The following MTUS2 variants were observed in gnomAD, a reference collection of about 807,000 sequenced individuals.
The protein encoded by MTUS2 is microtubule-associated tumor suppressor candidate 2.
MTUS2 carries 40 observed loss-of-function variants against 114.1 expected under a neutral mutation model. That is an observed-to-expected ratio of 0.35 (90% CI 0.27 to 0.46). The LOEUF (loss-of-function observed/expected upper bound fraction) is 0.46, where lower values mean the gene tolerates loss of function less well. Ranked by LOEUF, MTUS2 falls within the 20% of genes least tolerant of loss-of-function variation. The probability of loss-of-function intolerance (pLI) is 1.00; values close to 1 mark genes in which losing one functional copy is unlikely to be tolerated. For missense variants in MTUS2, 1,679 were observed against 1,705.4 expected, an observed-to-expected ratio of 0.98 and a Z score of 0.27; for synonymous variants, 688 against 672.0, an observed-to-expected ratio of 1.02 and a Z score of -0.37.
At position 29,277,608 on chromosome 13, in the gene MTUS2, G is replaced by A. The variant is rs80051249; in HGVS notation, c.2645-4096G>A. Among the ~76,000 whole-genome samples the A allele has an allele frequency of 1.2e-3, 178 of 152,318 alleles. 6 individuals are homozygous for A. The East Asian group carries it at 0.023, about 20-fold the overall frequency. ...AGAGAACTCAGAAATGGAGCCTCAC[G>A]TGGCAGACAGTGGATATTTGTTCAT... is the stretch of plus-strand genomic sequence containing the variant. On this transcript the variant is annotated intron_variant, in intron 5 of 15. Coordinates refer to ENST00000612955, the MANE Select transcript of MTUS2 (RefSeq NM_001033602.4).
intron 2 of MTUS2, among the ~76,000 whole-genome samples, chr13:28,876,627 T>G (rs533219999): frequency 6.6e-6 from 1 of 152,172 alleles, no homozygotes; most frequent in South Asian, 2.1e-4. Flanking sequence ...TCTTTGTGGG[T>G]CTTTGGCCTA....
rs373896320 is a variant in MTUS2 at position 29,025,212 on chromosome 13, C to T, written c.514C>T (p.Leu172=). The T allele has an allele frequency of 1.1e-5, 17 of 1,613,878 alleles. No homozygotes were observed. The highest frequency in any genetic ancestry group is 1.4e-5 in the Non-Finnish European group (16 of 1,179,910). ...GGCAAAGACCCTTGACAATGAGGAA[C>T]TGAGGAGGCATTCTTTGGAAAGAGC... ...KLAKTLDNEE[L]RRHSLERASS... is the part of the protein sequence containing the mutation. Residue 172 remains leucine, a synonymous_variant, in exon 3 of 16, where the codon CTG becomes TTG. Transcript: ENST00000612955.
At chr13:28,873,391 G>C (rs1382785253) in intron 2 of MTUS2, among the ~76,000 whole-genome samples, 1 of 152,180 alleles carries the variant, frequency 6.6e-6, no homozygotes, top group African/African-American at 2.4e-5. Context: ...TCTGAACCCT[G>C]TCTAGTTTAG....
At chr13:29,265,722 G>A (rs553515669) in intron 5 of MTUS2, among the ~76,000 whole-genome samples, 1 of 152,296 alleles carries the variant, frequency 6.6e-6, no homozygotes, top group African/African-American at 2.4e-5. Context: ...GCAAAAGCAG[G>A]AGCAAGGAGG....
rs148549589 is a variant in MTUS2, at chr13:29,382,551, T to C, written c.3117+23078T>C. On this transcript the variant is annotated intron_variant, in intron 8 of 15. Coordinates refer to ENST00000612955, the MANE Select transcript of MTUS2 (RefSeq NM_001033602.4). ...CAAAAGAGTGGAATCCACAGAAGTT[T>C]ACGAACTGAGTTCTTAGACTGTACA... Among the ~76,000 whole-genome samples, 808 of 152,306 alleles carry C rather than the reference T, an allele frequency of 5.3e-3. 5 individuals carry two copies. The highest frequency in any genetic ancestry group is 0.018 in the African/African-American group (768 of 41,562).
intron 4 of MTUS2, among the ~76,000 whole-genome samples, chr13:29,074,443 G>A (rs1020229124): frequency 1.3e-5 from 2 of 152,146 alleles, no homozygotes; most frequent in African/African-American, 4.8e-5. Flanking sequence ...GTGTCTGATA[G>A]CAGGAACTGT....
At chr13:29,218,600 G>A (rs1189775449) in intron 5 of MTUS2, among the ~76,000 whole-genome samples, 2 of 152,206 alleles carry the variant, frequency 1.3e-5, no homozygotes, top group African/African-American at 4.8e-5. Flanking sequence ...AGGCTTGAAA[G>A]TCATAATTAC....
In MTUS2 at chr13:29,317,499, C is replaced by T. The variant is rs1373999752; in HGVS notation, c.2807-7114C>T. ...CAGGCCGGACTGCGGACTGCAGTGG[C>T]GCAATCTCGGCTCACTGCAAGCTCC... On this transcript the variant is annotated intron_variant, in intron 6 of 15. Coordinates refer to ENST00000612955, the MANE Select transcript of MTUS2 (RefSeq NM_001033602.4). Among the ~76,000 whole-genome samples the T allele has an allele frequency of 6.9e-4, 8 of 11,658 alleles. 3 individuals carry two copies. The highest frequency in any genetic ancestry group is 9.4e-4 in the Non-Finnish European group (4 of 4,238). The allele number at this position is 11,658 out of a possible 152,430, so 7.6% of individuals were successfully genotyped here.
At chr13:28,848,526 G>T (rs1423014270) in intron 2 of MTUS2, among the ~76,000 whole-genome samples, 1 of 151,946 alleles carries the variant, frequency 6.6e-6, no homozygotes, top group Non-Finnish European at 1.5e-5. Flanking sequence ...AATGTTAGTG[G>T]TACCTGGTGT....
At chr13:29,097,687 CATT>C (rs1188866724) in intron 4 of MTUS2, among the ~76,000 whole-genome samples, 2 of 152,176 alleles carry the variant, frequency 1.3e-5, no homozygotes, top group Non-Finnish European at 2.9e-5. Context: ...ACCATCTTCT[CATT>C]ATATCTTCAC....
At chr13:28,928,777 T>C (rs144145034) in intron 2 of MTUS2, among the ~76,000 whole-genome samples, 220 of 152,344 alleles carry the variant, frequency 1.4e-3, no homozygotes, top group Middle Eastern at 6.8e-3. Flanking sequence ...GATATTTGCA[T>C]TCCCATGTTT....
chr13:29,211,477 G>C (rs1221981952), intron 5 of MTUS2, among the ~76,000 whole-genome samples: 2 of 152,258 alleles, frequency 1.3e-5, no homozygotes, highest in African/African-American at 4.8e-5. Context: ...CTCTGTCCAG[G>C]AAACTGCACA....
intron 2 of MTUS2, among the ~76,000 whole-genome samples, chr13:28,894,351 T>TGAGAGAGAGA (rs1383277209): frequency 2.4e-5 from 1 of 42,394 alleles, no homozygotes; most frequent in Non-Finnish European, 4.4e-5. Flanking sequence ...AGAGAGAGAG[T>TGAGAGAGAGA]GAGAGTGAGA....
In MTUS2 at chr13:29,429,013, A is replaced by G; in HGVS notation, c.3118-10970A>G. On this transcript the variant is annotated intron_variant, in intron 8 of 15. Transcript: ENST00000612955. ...AGCATGCGTGTGCGCTTTGTTGGTG[A>G]ACAGGAGGCTCCCTTTACTCGTTCC... 3 of 986,160 alleles carry G rather than the reference A, an allele frequency of 3.0e-6. No homozygotes were observed. In the South Asian group the frequency reaches 4.2e-5, roughly 14 times the overall value. 61.1% of individuals were successfully genotyped at this position (986,160 alleles called of 1,614,324 possible).
rs1293028817 is a variant in MTUS2 at position 29,026,388 on chromosome 13, G to A, written c.1690G>A (p.Asp564Asn). 1.2e-6 allele frequency: 2 copies of A among 1,613,890 alleles called. No homozygotes were observed. Among genetic ancestry groups the A allele is most frequent in the Non-Finnish European group, 1.7e-6 (2 of 1,179,848 alleles). The change falls in exon 3 of 16, where the codon GAT becomes AAT. Residue 564 changes from aspartate (D) to asparagine (N), a missense_variant. Physicochemically the swap from Asp to Asn is conservative, Grantham distance 23. Around this residue, in one of 3 missense-constraint regions of MTUS2, gnomAD observed 843 missense variants for 770.8 expected, o/e 1.09. Transcript: ENST00000612955. ...TCAGGATGTTAGCGTGTTCGGTATG[G>A]ATGCGGGGTCCCCCTTGGTAGTTCC... ...SFQDVSVFGM[D>N]AGSPLVVPPP...
intron 5 of MTUS2, among the ~76,000 whole-genome samples, chr13:29,270,606 A>T (rs371057823): frequency 3.3e-5 from 5 of 152,172 alleles, no homozygotes; most frequent in South Asian, 2.1e-4. Context: ...CTGAAGTTTC[A>T]TCTCTCCCTA....
chr13:29,375,599 ATATATATACGT>A (rs1286384392), intron 8 of MTUS2, among the ~76,000 whole-genome samples: 12 of 4,540 alleles, frequency 2.6e-3, no homozygotes, highest in Admixed American at 3.5e-3. Flanking sequence ...GTATATATAT[ATATATATACGT>A]ATATATATAT....
rs1168757617 is a variant in MTUS2, at chr13:29,307,904, A to C, written c.2807-16709A>C. On this transcript the variant is annotated intron_variant, in intron 6 of 15. Transcript: ENST00000612955. ...CCCCCTCCTCAGAGTTTCCATGCAG[A>C]TCTCCTGAAGAGGGAGGGGCCTAGG... 5 of 542,072 alleles carry C rather than the reference A, an allele frequency of 9.2e-6. No homozygotes were observed. The Admixed American group carries it at 1.2e-4, about 13-fold the overall frequency. The allele number at this position is 542,072 out of a possible 1,614,324, so 33.6% of individuals were successfully genotyped here.
At chr13:29,452,327 AT>A (rs1878743772) in intron 9 of MTUS2, among the ~76,000 whole-genome samples, 1 of 152,112 alleles carries the variant, frequency 6.6e-6, no homozygotes, top group African/African-American at 2.4e-5. Flanking sequence ...CTTTCTGGTT[AT>A]TTTATGTGGA....
Sources: gnomAD v4.1 joint callset for allele counts (sites outside exome capture counted in the v4.1 genomes callset) on GRCh38, gnomAD v4.1.1 for gene constraint, gnomAD v4.1.1 regional missense constraint, MANE v1.5 for transcripts, NCBI Gene and HGNC (gene_info 2026-07-23, HGNC 2026-07-21) for gene names.